CELF2: variants seen among roughly 807,000 people sequenced by gnomAD.
CELF2 encodes the protein CUG triplet repeat RNA-binding protein 2.
Under a neutral mutation model 62.6 loss-of-function variants are expected in CELF2, and 8 were observed. The observed-to-expected ratio is 0.13, with a 90% CI of 0.07 to 0.23. CELF2 has a LOEUF of 0.23. Among genes scored for constraint, CELF2 ranks in the 10% least tolerant of loss-of-function variants. The pLI, the probability that CELF2 is intolerant of heterozygous loss-of-function variation, is 1.00. For missense variants in CELF2, 333 were observed against 671.0 expected (o/e 0.50, Z 5.56); for synonymous variants, 258 against 250.0 (o/e 1.03, Z -0.30).
At chr10:10,882,801 T>C (rs75489480) in intron 1 of CELF2, among the ~76,000 whole-genome samples, 1 of 152,264 alleles carries the variant, frequency 6.6e-6, no homozygotes, top group South Asian at 2.1e-4. Context: ...ATTTAAAATA[T>C]CAAATAAAAA....
the CELF2 span, among the ~76,000 whole-genome samples, chr10:10,599,938 A>C: frequency 6.6e-6 from 1 of 151,950 alleles, no homozygotes; most frequent in African/African-American, 2.4e-5. Flanking sequence ...TCACCCTGTT[A>C]GCCAGGGTGG....
chr10:10,583,697 A>G, the CELF2 span, among the ~76,000 whole-genome samples: 1 of 152,184 alleles, frequency 6.6e-6, no homozygotes, highest in Non-Finnish European at 1.5e-5. Flanking sequence ...ATATACTTAC[A>G]GAATGTGACA....
chr10:10,480,506 T>A, the CELF2 span, among the ~76,000 whole-genome samples: 1 of 152,190 alleles, frequency 6.6e-6, no homozygotes. Flanking sequence ...CAGAGTCCCA[T>A]GCACTGAAAT....
At chr10:10,828,074 G>A (rs1363526762) in intron 1 of CELF2, among the ~76,000 whole-genome samples, 1 of 147,542 alleles carries the variant, frequency 6.8e-6, no homozygotes, top group Non-Finnish European at 1.5e-5. Flanking sequence ...GTAAAACAGT[G>A]CAGTTGCTAC....
At chr10:10,612,892 T>C in the CELF2 span, among the ~76,000 whole-genome samples, 1 of 152,218 alleles carries the variant, frequency 6.6e-6, no homozygotes, top group African/African-American at 2.4e-5. Context: ...AAGATCTTAC[T>C]TGGTGTCTGA....
At position 11,081,425 on chromosome 10, in the gene CELF2, A is replaced by G. The variant is rs140917885; in HGVS notation, c.74+63262A>G. Among the ~76,000 whole-genome samples the G allele has an allele frequency of 4.6e-3, 707 of 152,310 alleles. 8 individuals are homozygous for G. The highest frequency in any genetic ancestry group is 0.016 in the African/African-American group (672 of 41,564). Reference sequence around the variant, plus strand: ...TCTAAGTCATACCTGGGACAATTCAAGTTTGAAAAACTGACTAAACAAAAT... The same window carrying G: ...TCTAAGTCATACCTGGGACAATTCAGGTTTGAAAAACTGACTAAACAAAAT... On this transcript the variant is annotated intron_variant, in intron 1 of 12. Transcript: ENST00000633077.
chr10:10,600,634 T>C, the CELF2 span, among the ~76,000 whole-genome samples: 1 of 152,080 alleles, frequency 6.6e-6, no homozygotes, highest in Non-Finnish European at 1.5e-5. Context: ...ATCCAAAATA[T>C]AGAGAAACTG....
intron 2 of CELF2, among the ~76,000 whole-genome samples, chr10:11,212,430 C>A (rs973772877): frequency 1.3e-5 from 2 of 152,194 alleles, no homozygotes; most frequent in African/African-American, 4.8e-5. Context: ...AAGGGCCCTG[C>A]TAGATGTTGA....
intron 2 of CELF2, among the ~76,000 whole-genome samples, chr10:10,956,667 C>T (rs1285588177): frequency 6.6e-6 from 1 of 152,140 alleles, no homozygotes; most frequent in Non-Finnish European, 1.5e-5. Flanking sequence ...GTGGTTCAAG[C>T]TTGTAATCCC....
intron 1 of CELF2, among the ~76,000 whole-genome samples, chr10:10,807,138 A>G (rs988691519): frequency 6.6e-6 from 1 of 152,230 alleles, no homozygotes; most frequent in African/African-American, 2.4e-5. Context: ...TGGACTTTCA[A>G]AAGCCTCTGC....
At chr10:10,905,067 C>T (rs1281009718) in intron 1 of CELF2, among the ~76,000 whole-genome samples, 1 of 152,168 alleles carries the variant, frequency 6.6e-6, no homozygotes, top group Non-Finnish European at 1.5e-5. Context: ...TGGGTTCAAA[C>T]TGATTTGACT....
At chr10:10,544,048 T>C in the CELF2 span, among the ~76,000 whole-genome samples, 7 of 152,338 alleles carry the variant, frequency 4.6e-5, no homozygotes, top group African/African-American at 1.2e-4. Flanking sequence ...TGAAGGCATA[T>C]GTTCTAAAGT....
chr10:11,057,291 G>T (rs1222945239), intron 1 of CELF2, among the ~76,000 whole-genome samples: 1 of 151,694 alleles, frequency 6.6e-6, no homozygotes, highest in Non-Finnish European at 1.5e-5. Context: ...TAGGGGATGT[G>T]TGGGGTGGGG....
At chr10:11,003,983 A>G (rs1307949422), upstream of CELF2, among the ~76,000 whole-genome samples, 1 of 152,198 alleles carries the variant, frequency 6.6e-6, no homozygotes. The surrounding 1 kb of genome is among the most constrained non-coding windows in gnomAD (Gnocchi z 4.4). Flanking sequence ...GCCATAGTCC[A>G]GCTGATACAT....
chr10:10,630,600 C>A, the CELF2 span, among the ~76,000 whole-genome samples: 1 of 152,100 alleles, frequency 6.6e-6, no homozygotes, highest in Non-Finnish European at 1.5e-5. Context: ...CGTTTTGTAG[C>A]CACTAAACCA....
At chr10:10,880,163 AGG>A (rs2061359189) in intron 1 of CELF2, among the ~76,000 whole-genome samples, 1 of 152,168 alleles carries the variant, frequency 6.6e-6, no homozygotes, top group African/African-American at 2.4e-5. Context: ...ACAGCACAAG[AGG>A]AGACTGTTAC....
intron 2 of CELF2, among the ~76,000 whole-genome samples, chr10:11,197,001 G>A (rs906522275): frequency 5.5e-5 from 1 of 18,326 alleles, no homozygotes; most frequent in Non-Finnish European, 1.0e-4. Context: ...AAGGAAGGAA[G>A]GAGAAAGAAA....
chr10:11,069,126 A>C (rs973343424), intron 1 of CELF2, among the ~76,000 whole-genome samples: 1 of 152,180 alleles, frequency 6.6e-6, no homozygotes, highest in African/African-American at 2.4e-5. Flanking sequence ...TTATTATATT[A>C]TCCTTGAGTT....
chr10:10,792,792 G>A, the CELF2 span, among the ~76,000 whole-genome samples: 106 of 152,280 alleles, frequency 7.0e-4, no homozygotes, highest in African/African-American at 2.4e-3. Context: ...AGGAGTTAAA[G>A]CTCTTTTTTC....
Sources: allele counts gnomAD v4.1 joint callset (sites outside exome capture counted in the v4.1 genomes callset), GRCh38; gene constraint gnomAD v4.1.1; non-coding constraint Gnocchi (gnomAD v3.1); transcripts MANE v1.5; gene names NCBI Gene and HGNC (gene_info 2026-07-23, HGNC 2026-07-21).